The following TSPAN9 variants were observed in gnomAD, a reference collection of about 807,000 sequenced individuals.
TSPAN9 encodes the protein tetraspanin-9.
Under a neutral mutation model 31.0 loss-of-function variants are expected in TSPAN9, and 16 were observed. The observed-to-expected ratio is 0.52, with a 90% CI of 0.35 to 0.78. TSPAN9 has a LOEUF of 0.78. TSPAN9 is among the 30% of genes least tolerant of loss of function. The pLI is 0.01. For synonymous variants in TSPAN9, 145 were observed against 121.6 expected, an observed-to-expected ratio of 1.19 and a Z score of -1.27; for missense variants, 272 against 312.5, an observed-to-expected ratio of 0.87 and a Z score of 0.98.
chr12:3,146,754 C>G (rs112553983), intron 2 of TSPAN9, among the ~76,000 whole-genome samples: 11 of 152,228 alleles, frequency 7.2e-5, no homozygotes, highest in African/African-American at 2.6e-4. Context: ...TCTGTGCTCT[C>G]TAGGCCAGCA....
At chr12:3,257,594 C>A (rs1240188361) in intron 3 of TSPAN9, among the ~76,000 whole-genome samples, 1 of 152,070 alleles carries the variant, frequency 6.6e-6, no homozygotes, top group Non-Finnish European at 1.5e-5. Flanking sequence ...TTATCCCCAA[C>A]AAGCTCTCTT....
Position 3,216,541 on chromosome 12 carries a change from C to T in TSPAN9, c.63+15285C>T, listed in dbSNP as rs765149345. Among the ~76,000 whole-genome samples the T allele has an allele frequency of 2.6e-5, 4 of 152,230 alleles. No individual in the cohort carries two copies. In the East Asian group the frequency reaches 5.8e-4, roughly 22 times the overall value. The stretch of plus-strand genomic sequence containing the variant: ...CCCAAAGCTCTTCTCAAACACATCT[C>T]GTCAGTGGGGAGGCTTATACAGAGA... On this transcript the variant is annotated intron_variant, in intron 3 of 8. Coordinates refer to ENST00000011898, the MANE Select transcript of TSPAN9 (RefSeq NM_006675.5).
intron 3 of TSPAN9, among the ~76,000 whole-genome samples, chr12:3,266,629 C>T (rs1862541994): frequency 6.6e-6 from 1 of 152,182 alleles, no homozygotes; most frequent in Admixed American, 6.5e-5. Flanking sequence ...CAGGAGAGCC[C>T]TGAAGTGGGC....
intron 2 of TSPAN9, among the ~76,000 whole-genome samples, chr12:3,095,161 A>G (rs1402362419): frequency 9.1e-6 from 1 of 109,856 alleles, no homozygotes; most frequent in South Asian, 3.3e-4. Flanking sequence ...GACACAGTAC[A>G]TGTTTCAGAG....
intron 2 of TSPAN9, among the ~76,000 whole-genome samples, chr12:3,135,554 G>C (rs1424295917): frequency 1.3e-5 from 2 of 152,244 alleles, no homozygotes; most frequent in African/African-American, 4.8e-5. Flanking sequence ...ATTCAGCCCT[G>C]GTCCAGGCCT....
At chr12:3,150,770 G>T (rs765183047) in intron 2 of TSPAN9, among the ~76,000 whole-genome samples, 1 of 152,030 alleles carries the variant, frequency 6.6e-6, no homozygotes, top group Non-Finnish European at 1.5e-5. Context: ...ATCGAATGCT[G>T]CCCCTTCTTC....
intron 2 of TSPAN9, among the ~76,000 whole-genome samples, chr12:3,113,888 C>A (rs1220520430): frequency 1.3e-5 from 2 of 152,226 alleles, no homozygotes; most frequent in African/African-American, 4.8e-5. Flanking sequence ...CTGTCTTTGA[C>A]CCTTGGCCTG....
intron 1 of TSPAN9, among the ~76,000 whole-genome samples, chr12:3,081,840 G>GTATA (rs1279686443): frequency 1.0e-4 from 3 of 30,130 alleles, no homozygotes; most frequent in African/African-American, 4.3e-4. Flanking sequence ...GTGTGTCTGT[G>GTATA]TGTGTATATA....
chr12:3,229,137 A>G (rs1197977069), intron 3 of TSPAN9, among the ~76,000 whole-genome samples: 1 of 152,194 alleles, frequency 6.6e-6, no homozygotes, highest in Non-Finnish European at 1.5e-5. Flanking sequence ...ACATGAAGTT[A>G]TCTTTGGAGC....
intron 3 of TSPAN9, among the ~76,000 whole-genome samples, chr12:3,268,566 G>GTTCCTGCAGCCTGCCCTCCGTGCA (rs1218050300): frequency 8.0e-6 from 1 of 125,236 alleles, no homozygotes; most frequent in Non-Finnish European, 1.7e-5. Flanking sequence ...CCCTCTCTGT[G>GTTCCTGCAGCCTGCCCTCCGTGCA]TTCCTGCAGC....
At chr12:3,279,189 G>C (rs961231803) in intron 5 of TSPAN9, 123 bp downstream of exon 5, 2 of 861,694 alleles carry the variant, frequency 2.3e-6, no homozygotes, top group Admixed American at 2.1e-5. Flanking sequence ...TGTGCAGAAA[G>C]GAACATGGAA....
At chr12:3,176,478 C>T (rs758483669) in intron 2 of TSPAN9, among the ~76,000 whole-genome samples, 40 of 152,352 alleles carry the variant, frequency 2.6e-4, no homozygotes, top group Middle Eastern at 3.4e-3. Context: ...TTGTCACATC[C>T]GTGTGCTGCC....
At chr12:3,153,696 G>A (rs1276291583) in intron 2 of TSPAN9, among the ~76,000 whole-genome samples, 1 of 152,112 alleles carries the variant, frequency 6.6e-6, no homozygotes, top group African/African-American at 2.4e-5. Flanking sequence ...ATATATGTGT[G>A]TGCGTGTGTG....
At chr12:3,211,751 C>G in intron 3 of TSPAN9, 1 of 1,597,708 alleles carries the variant, frequency 6.3e-7, no homozygotes, top group Non-Finnish European at 8.5e-7. Context: ...GCAGCCAACA[C>G]ACAAAACTAC....
intron 3 of TSPAN9, chr12:3,211,540 T>C: frequency 1.3e-6 from 1 of 775,028 alleles, no homozygotes; most frequent in Non-Finnish European, 2.0e-6. Flanking sequence ...CCTTTTGATA[T>C]TTTGGTTGAC....
intron 3 of TSPAN9, among the ~76,000 whole-genome samples, chr12:3,230,718 AC>A (rs2098390272): frequency 6.6e-6 from 1 of 151,862 alleles, no homozygotes; most frequent in East Asian, 1.9e-4. Flanking sequence ...GGCCTGTCCC[AC>A]CAGCTGCCCT....
At chr12:3,088,414 T>A (rs533460603) in intron 2 of TSPAN9, among the ~76,000 whole-genome samples, 1 of 149,610 alleles carries the variant, frequency 6.7e-6, no homozygotes, top group African/African-American at 2.4e-5. Flanking sequence ...CCATTTCAAA[T>A]TGGCTTCCAC....
In TSPAN9 at chr12:3,192,622, A is replaced by C. The variant is rs2098365029; in HGVS notation, c.-17-8555A>C. 6.6e-6 allele frequency among the ~76,000 whole-genome samples: 1 copy of C among 152,130 alleles called. No individual in the cohort carries two copies. Among genetic ancestry groups the C allele is most frequent in the South Asian group, 2.1e-4 (1 of 4,820 alleles). ...TCCTGGAGCTGTCTGGGAGACAGCC[A>C]GGGGGATGACAAGCAGGAGTTGGGG... On this transcript the variant is annotated intron_variant, in intron 2 of 8. Transcript: ENST00000011898. The surrounding 1 kb of genome is among the most constrained non-coding windows in gnomAD (Gnocchi z 4.6).
At chr12:3,198,401 C>T (rs1437404492) in intron 2 of TSPAN9, among the ~76,000 whole-genome samples, 1 of 103,782 alleles carries the variant, frequency 9.6e-6, no homozygotes, top group South Asian at 3.0e-4. Flanking sequence ...CAGGTCACCA[C>T]CAGCACAGGT....
Sources: gnomAD v4.1 joint callset for allele counts (sites outside exome capture counted in the v4.1 genomes callset) on GRCh38, gnomAD v4.1.1 for gene constraint, Gnocchi (gnomAD v3.1) non-coding constraint, MANE v1.5 for transcripts, NCBI Gene and HGNC (gene_info 2026-07-23, HGNC 2026-07-21) for gene names.